The following LEUTX variants were observed in gnomAD, a reference collection of about 807,000 sequenced individuals.
LEUTX encodes the protein paired-like homeodomain transcription factor LEUTX.
LEUTX carries 5 observed loss-of-function variants against 4.5 expected under a neutral mutation model. The ratio of observed to expected loss-of-function variants is 1.11; its 90% CI spans 0.58 to 2.34. The LOEUF (loss-of-function observed/expected upper bound fraction) is 2.34. Ranked by LOEUF, LEUTX falls within the 30% of genes most tolerant of loss-of-function variation. The probability of loss-of-function intolerance (pLI) is 0.01; values close to 1 mark genes in which losing one functional copy is unlikely to be tolerated. For missense variants in LEUTX, 233 were observed against 239.4 expected (o/e 0.97, Z 0.18); for synonymous variants, 89 against 85.1 (o/e 1.05, Z -0.25).
At chr19:39,776,830 G>A (rs1054659165), upstream of LEUTX, among the ~76,000 whole-genome samples, 4 of 151,206 alleles carry the variant, frequency 2.6e-5, no homozygotes, top group South Asian at 4.2e-4. Flanking sequence ...GCACTGAGCC[G>A]AGATCACACC....
At chr19:39,777,759 A>G (rs2144951659), upstream of LEUTX, among the ~76,000 whole-genome samples, 1 of 152,290 alleles carries the variant, frequency 6.6e-6, no homozygotes, top group Non-Finnish European at 1.5e-5. Flanking sequence ...GGCTGCAGTG[A>G]GCTATGATGG....
At chr19:39,784,111 T>C (rs924417155) in intron 1 of LEUTX, among the ~76,000 whole-genome samples, 1 of 152,160 alleles carries the variant, frequency 6.6e-6, no homozygotes, top group African/African-American at 2.4e-5. Context: ...CTAAAGTTTT[T>C]ATTATTTTTT....
rs189125476 is a variant in LEUTX at position 39,783,632 on chromosome 19, T to A, written c.8-895T>A. ...TACACTGCCACCAGCAGTGTAGAAGTGTTGCCTGTTCACTGCATCCACGCC... is the reference window on the plus strand; with the variant it reads ...TACACTGCCACCAGCAGTGTAGAAGAGTTGCCTGTTCACTGCATCCACGCC... On this transcript the variant is annotated intron_variant, in intron 1 of 2. Transcript: ENST00000638280. 1.6e-3 allele frequency among the ~76,000 whole-genome samples: 241 copies of A among 152,168 alleles called. 10 individuals carry two copies. In the East Asian group the frequency reaches 0.039, roughly 25 times the overall value.
intron 1 of LEUTX, among the ~76,000 whole-genome samples, chr19:39,783,844 C>G (rs1967924259): frequency 6.6e-6 from 1 of 151,756 alleles, no homozygotes; most frequent in African/African-American, 2.4e-5. Flanking sequence ...TGGTTTTTTT[C>G]TTGCTAATTT....
Position 39,785,851 on chromosome 19 carries a change from C to T in LEUTX, c.313C>T (p.Pro105Ser). The change falls in exon 3 of 3, where the codon CCT becomes TCT. Residue 105 changes from proline (P) to serine (S), a missense_variant. By Grantham distance (74) the Pro-to-Ser change is moderately conservative. Coordinates refer to ENST00000638280, the MANE Select transcript of LEUTX (RefSeq NM_001382345.1). The part of the protein sequence containing the change: ...ITTANIRPVS[P>S]GISDANDHDL... The stretch of plus-strand genomic sequence containing the variant: ...TACTGCAAACATTCGTCCAGTAAGT[C>T]CTGGAATCTCTGATGCAAATGACCA... 1 of 1,551,758 alleles carries T rather than the reference C, an allele frequency of 6.4e-7. No individual in the cohort carries two copies. The highest frequency in any genetic ancestry group is 1.2e-5 in the South Asian group (1 of 84,064).
At chr19:39,785,549 C>T (rs1051191032) in intron 2 of LEUTX, 149 bp from the exon 3 acceptor site, 40 of 643,954 alleles carry the variant, frequency 6.2e-5, no homozygotes, top group Middle Eastern at 8.5e-4. Context: ...TCCCTTGAAA[C>T]CCAGGACAGC....
upstream of LEUTX, chr19:39,776,489 C>G (rs539045393): frequency 4.9e-6 from 2 of 411,046 alleles, no homozygotes; most frequent in South Asian, 3.5e-5. Flanking sequence ...TCTGACCTGG[C>G]CTGGGGCGTA....
chr19:39,779,177 C>T (rs941342052), intron 1 of LEUTX, among the ~76,000 whole-genome samples: 2 of 152,102 alleles, frequency 1.3e-5, no homozygotes, highest in Non-Finnish European at 1.5e-5. Flanking sequence ...GCCTCGAGCT[C>T]CTAGGCCCTA....
At position 39,785,898 on chromosome 19, in the gene LEUTX, T is replaced by C; in HGVS notation, c.360T>C (p.Gly120=). The C allele has an allele frequency of 1.9e-6, 3 of 1,551,796 alleles. No individual in the cohort carries two copies. Among genetic ancestry groups the C allele is most frequent in the African/African-American group, 1.4e-5 (1 of 73,190 alleles). Residue 120 remains glycine (G), a synonymous_variant, in exon 3 of 3, where the codon GGT becomes GGC. Coordinates refer to ENST00000638280, the MANE Select transcript of LEUTX (RefSeq NM_001382345.1). ...ANDHDLREPS[G]IKNPGGASAS... is the part of the protein sequence containing the mutation. ...ACCATGATCTACGTGAGCCTTCTGGTATCAAGAATCCTGGAGGAGCCAGCG... is the reference window on the plus strand; with the variant it reads ...ACCATGATCTACGTGAGCCTTCTGGCATCAAGAATCCTGGAGGAGCCAGCG...
chr19:39,783,541 A>G (rs1354295166), intron 1 of LEUTX, among the ~76,000 whole-genome samples: 1 of 151,896 alleles, frequency 6.6e-6, no homozygotes, highest in Non-Finnish European at 1.5e-5. Context: ...GCTGGATCGA[A>G]TGGTAGTTCT....
At chr19:39,782,384 C>A (rs1041867410) in intron 1 of LEUTX, among the ~76,000 whole-genome samples, 1 of 152,090 alleles carries the variant, frequency 6.6e-6, no homozygotes, top group Non-Finnish European at 1.5e-5. Flanking sequence ...TAAGAGGTTT[C>A]CCCTTTTGCT....
At chr19:39,781,932 C>A (rs967012676) in intron 1 of LEUTX, among the ~76,000 whole-genome samples, 1 of 152,126 alleles carries the variant, frequency 6.6e-6, no homozygotes, top group African/African-American at 2.4e-5. Flanking sequence ...GTTAAAGATA[C>A]GGAGGCAAAC....
At chr19:39,776,776 G>A, upstream of LEUTX, 1 of 419,558 alleles carries the variant, frequency 2.4e-6, no homozygotes, top group South Asian at 1.7e-5. Context: ...AGCTGCTTGG[G>A]AGGCTGAGGC....
At chr19:39,780,587 A>C (rs1967870983) in intron 1 of LEUTX, among the ~76,000 whole-genome samples, 1 of 152,174 alleles carries the variant, frequency 6.6e-6, no homozygotes, top group Admixed American at 6.5e-5. Flanking sequence ...AAATATTGCT[A>C]GTGCTGGACA....
chr19:39,777,571 G>A (rs1003066176), upstream of LEUTX, among the ~76,000 whole-genome samples: 42 of 152,230 alleles, frequency 2.8e-4, no homozygotes, highest in African/African-American at 9.2e-4. Context: ...ACATTTAAAC[G>A]GAAAATTTGA....
rs1967962832 is a variant in LEUTX at position 39,785,870 on chromosome 19, A to T, written c.332A>T (p.Asn111Ile). ...GTAAGTCCTGGAATCTCTGATGCAA[A>T]TGACCATGATCTACGTGAGCCTTCT... is the stretch of plus-strand genomic sequence containing the variant. ...RPVSPGISDA[N>I]DHDLREPSGI... Residue 111 changes from asparagine to isoleucine, a missense_variant, in exon 3 of 3, where the codon AAT (asparagine) becomes ATT (isoleucine). Asn to Ile is a moderately radical substitution (Grantham distance 149, BLOSUM62 -3). Transcript: ENST00000638280. 6.4e-7 allele frequency: 1 copy of T among 1,551,778 alleles called. No homozygotes were observed. The highest frequency in any genetic ancestry group is 1.4e-5 in the African/African-American group (1 of 73,178).
In LEUTX at chr19:39,785,756, C is replaced by T. The variant is rs1471909900; in HGVS notation, c.218C>T (p.Thr73Ile). ...WKRQQRQQMQ[T>I]RPSLGPANQT... is the part of the protein sequence containing the mutation. ...AGGCAGCAGCGGCAGCAAATGCAGA[C>T]ACGGCCATCACTAGGGCCAGCAAAC... Residue 73 changes from threonine to isoleucine, a missense_variant, in exon 3 of 3, where the codon ACA (threonine) becomes ATA (isoleucine). Physicochemically the swap from Thr to Ile is moderately conservative, Grantham distance 89. Transcript: ENST00000638280. 6.4e-7 allele frequency: 1 copy of T among 1,551,752 alleles called. No homozygotes were observed. The highest frequency in any genetic ancestry group is 2.4e-5 in the East Asian group (1 of 40,926).
intron 1 of LEUTX, among the ~76,000 whole-genome samples, chr19:39,780,628 C>A (rs926728458): frequency 2.0e-5 from 3 of 152,014 alleles, no homozygotes; most frequent in South Asian, 2.1e-4. Context: ...TTTTTTCCGA[C>A]CTTTTCACTC....
chr19:39,782,760 G>T (rs1967905041), intron 1 of LEUTX, among the ~76,000 whole-genome samples: 1 of 152,244 alleles, frequency 6.6e-6, no homozygotes, highest in Admixed American at 6.5e-5. Context: ...CAGCAAGAGA[G>T]TGAGGAGTGG....
Sources: allele counts gnomAD v4.1 joint callset (sites outside exome capture counted in the v4.1 genomes callset), GRCh38; gene constraint gnomAD v4.1.1; transcripts MANE v1.5; gene names NCBI Gene and HGNC (gene_info 2026-07-23, HGNC 2026-07-21).